Variants in RNGTT observed in about 807,000 individuals in gnomAD.
RNGTT encodes the protein mRNA-capping enzyme.
A neutral mutation model predicts 79.3 loss-of-function variants in RNGTT; 33 were observed. The ratio of observed to expected loss-of-function variants is 0.42; its 90% CI spans 0.32 to 0.56. The LOEUF (loss-of-function observed/expected upper bound fraction) is 0.56, where lower values mean the gene tolerates loss of function less well. RNGTT is among the 20% of genes least tolerant of loss of function. The pLI, the probability that RNGTT is intolerant of heterozygous loss-of-function variation, is 0.17. For synonymous variants in RNGTT, 222 were observed against 235.9 expected (o/e 0.94, Z 0.54); for missense variants, 497 against 739.1 (o/e 0.67, Z 3.80).
At chr6:88,738,106 G>A (rs1360818585) in intron 13 of RNGTT, among the ~76,000 whole-genome samples, 1 of 152,072 alleles carries the variant, frequency 6.6e-6, no homozygotes, top group Non-Finnish European at 1.5e-5. Flanking sequence ...ATAAAATCAT[G>A]TTCATAGTAT....
chr6:88,726,864 TAA>T (rs956221202), intron 13 of RNGTT, among the ~76,000 whole-genome samples: 2 of 152,184 alleles, frequency 1.3e-5, no homozygotes, highest in Admixed American at 1.3e-4. Flanking sequence ...TCAACAAAAG[TAA>T]AGTTTGCTAA....
intron 6 of RNGTT, among the ~76,000 whole-genome samples, chr6:88,898,785 G>C (rs1783342251): frequency 6.7e-6 from 1 of 149,642 alleles, no homozygotes. Context: ...AAAAAGTACA[G>C]AGCAAATGGC....
At chr6:88,840,557 C>T (rs920591623) in intron 11 of RNGTT, among the ~76,000 whole-genome samples, 2 of 152,052 alleles carry the variant, frequency 1.3e-5, no homozygotes, top group Non-Finnish European at 2.9e-5. Context: ...CCACCATGCC[C>T]GACTAATTTT....
intron 9 of RNGTT, among the ~76,000 whole-genome samples, chr6:88,852,444 C>G (rs1463709318): frequency 1.3e-5 from 2 of 151,878 alleles, no homozygotes; most frequent in Non-Finnish European, 2.9e-5. Context: ...TCCCATGAAC[C>G]AACTACCAGA....
chr6:88,926,154 C>T (rs1159079179), intron 4 of RNGTT, among the ~76,000 whole-genome samples: 2 of 152,124 alleles, frequency 1.3e-5, no homozygotes, highest in African/African-American at 4.8e-5. Flanking sequence ...ATTTAATACA[C>T]CTAAAATTCA....
At chr6:88,802,148 C>T (rs191407393) in intron 11 of RNGTT, among the ~76,000 whole-genome samples, 1 of 152,244 alleles carries the variant, frequency 6.6e-6, no homozygotes, top group African/African-American at 2.4e-5. Context: ...TCCAAAGCTA[C>T]AAACAAACTT....
chr6:88,924,684 TA>T (rs1417816008), intron 4 of RNGTT, among the ~76,000 whole-genome samples: 1 of 151,994 alleles, frequency 6.6e-6, no homozygotes, highest in Non-Finnish European at 1.5e-5. Context: ...GTTGTTGTTT[TA>T]TGTTTTATTT....
chr6:88,957,440 CTGA>C (rs1034027089), intron 1 of RNGTT, among the ~76,000 whole-genome samples: 3 of 152,182 alleles, frequency 2.0e-5, no homozygotes, highest in African/African-American at 4.8e-5. Context: ...TCACTGTTCA[CTGA>C]TGATATGATT....
intron 12 of RNGTT, among the ~76,000 whole-genome samples, chr6:88,772,252 T>C (rs1778709924): frequency 6.6e-6 from 1 of 151,654 alleles, no homozygotes; most frequent in Non-Finnish European, 1.5e-5. Flanking sequence ...GTGAATCATC[T>C]GTATACTGAA....
intron 5 of RNGTT, 106 bp downstream of exon 5, chr6:88,906,259 A>T (rs1274114380): frequency 4.6e-6 from 3 of 656,696 alleles, no homozygotes; most frequent in Non-Finnish European, 7.9e-6. Flanking sequence ...AAATTACATT[A>T]ATCATGAGTT....
intron 11 of RNGTT, among the ~76,000 whole-genome samples, chr6:88,824,512 C>T (rs1271500290): frequency 6.6e-6 from 1 of 152,140 alleles, no homozygotes; most frequent in African/African-American, 2.4e-5. Flanking sequence ...CATGTGGCTA[C>T]TAAAATTTAA....
chr6:88,736,983 C>G (rs1034393337), intron 13 of RNGTT, among the ~76,000 whole-genome samples: 4 of 152,128 alleles, frequency 2.6e-5, no homozygotes, highest in Non-Finnish European at 5.9e-5. Context: ...TACCCAGGAG[C>G]CTTGGAGGCA....
chr6:88,813,117 G>T (rs903594878), intron 11 of RNGTT, among the ~76,000 whole-genome samples: 4 of 152,114 alleles, frequency 2.6e-5, no homozygotes, highest in Admixed American at 2.6e-4. Context: ...ATTAAAAAAA[G>T]AAACAAATTG....
chr6:88,695,546 T>C (rs568248119), intron 13 of RNGTT, among the ~76,000 whole-genome samples: 1 of 152,308 alleles, frequency 6.6e-6, no homozygotes, highest in East Asian at 1.9e-4. Flanking sequence ...TGTATACTAT[T>C]GGTGGGAATG....
At chr6:88,893,483 T>C (rs77839650) in intron 6 of RNGTT, among the ~76,000 whole-genome samples, 3,097 of 152,202 alleles carry the variant, frequency 0.02, 108 homozygotes, top group African/African-American at 0.069. Flanking sequence ...ATTTTTAACA[T>C]ATAATAAAAA....
intron 6 of RNGTT, among the ~76,000 whole-genome samples, chr6:88,899,930 G>A (rs1209695323): frequency 6.6e-6 from 1 of 152,114 alleles, no homozygotes; most frequent in East Asian, 1.9e-4. Context: ...AGGAATAAGA[G>A]CAGAGCAAAA....
intron 13 of RNGTT, 29 bp from the exon 14 acceptor site, chr6:88,678,448 A>G (rs755055919): frequency 7.4e-7 from 1 of 1,348,954 alleles, no homozygotes; most frequent in Non-Finnish European, 9.7e-7. Context: ...ATTATTTATA[A>G]AATACTCCTT....
intron 11 of RNGTT, among the ~76,000 whole-genome samples, chr6:88,825,180 G>GGTA (rs1780617921): frequency 6.6e-6 from 1 of 152,000 alleles, no homozygotes; most frequent in Non-Finnish European, 1.5e-5. Flanking sequence ...TACACTGAAG[G>GGTA]GTACACTGAG....
intron 13 of RNGTT, among the ~76,000 whole-genome samples, chr6:88,707,235 A>T (rs1776157258): frequency 6.6e-6 from 1 of 152,060 alleles, no homozygotes; most frequent in Non-Finnish European, 1.5e-5. Context: ...TGCCTTTCTG[A>T]CCCTCTAGAA....
Sources: allele counts gnomAD v4.1 joint callset (sites outside exome capture counted in the v4.1 genomes callset), GRCh38; gene constraint gnomAD v4.1.1; transcripts MANE v1.5; gene names NCBI Gene and HGNC (gene_info 2026-07-23, HGNC 2026-07-21).